COL18A1: variants seen among roughly 807,000 people sequenced by gnomAD.
COL18A1 encodes the protein collagen type XVIII alpha 1 chain, also known as collagen alpha-1(XVIII) chain.
Under a neutral mutation model 168.0 loss-of-function variants are expected in COL18A1, and 133 were observed. The ratio of observed to expected loss-of-function variants is 0.79; its 90% confidence interval spans 0.69 to 0.91. COL18A1 has a LOEUF of 0.91. Ranked by LOEUF, COL18A1 falls within the 40% of genes least tolerant of loss-of-function variation. The pLI is 0.00. For missense variants in COL18A1, 2,126 were observed against 1,925.4 expected (o/e 1.10, Z -1.95); for synonymous variants, 949 against 809.0 (o/e 1.17, Z -2.94).
At chr21:45,413,059 G>A (rs796725795) in intron 2 of COL18A1, among the ~76,000 whole-genome samples, 32 of 152,270 alleles carry the variant, frequency 2.1e-4, no homozygotes, top group Admixed American at 3.9e-4. Flanking sequence ...ATCACACATC[G>A]GCTTCCTGGG....
At position 45,480,826 on chromosome 21, in the gene COL18A1, C is replaced by T. The variant is rs771376510; in HGVS notation, c.1579C>T (p.Arg527Cys). ...CGCCGGCCTTCCTGGTGTGCCTGGG[C>T]GCGAGGGTCCCCCCGGGTTTCCTGG... ...GPAGLPGVPGREGPPGFPGLP... is the reference protein window; with the variant it reads ...GPAGLPGVPGCEGPPGFPGLP... The change falls in exon 13 of 42, where the codon CGC becomes TGC. Residue 527 changes from arginine (R) to cysteine (C), a missense_variant. Arg to Cys is a radical substitution (Grantham distance 180). Coordinates refer to ENST00000651438, the MANE Select transcript of COL18A1 (RefSeq NM_001379500.1). 7 of 1,611,490 alleles carry T rather than the reference C, an allele frequency of 4.3e-6. No homozygotes were observed. The highest frequency in any genetic ancestry group is 2.7e-5 in the African/African-American group (2 of 74,886).
In COL18A1 at chr21:45,480,995, G is replaced by A. The variant is rs537800021; in HGVS notation, c.1611+137G>A. Reference sequence around the variant, plus strand: ...CTCACCTCATCTCCTCTAGGAGCTGGCGGGCAGTTGCTGACTCGGGGCCAC... The same window carrying A: ...CTCACCTCATCTCCTCTAGGAGCTGACGGGCAGTTGCTGACTCGGGGCCAC... On this transcript the variant is annotated intron_variant, in intron 13 of 41. Coordinates refer to ENST00000651438, the MANE Select transcript of COL18A1 (RefSeq NM_001379500.1). 3.1e-5 allele frequency: 41 copies of A among 1,327,136 alleles called. 2 individuals carry two copies. In the South Asian group the frequency reaches 4.4e-4, roughly 14 times the overall value. 82.2% of individuals were successfully genotyped at this position (1,327,136 alleles called of 1,614,324 possible).
intron 9 of COL18A1, among the ~76,000 whole-genome samples, chr21:45,479,616 CAT>C (rs59130519): frequency 0.21 from 31,142 of 151,836 alleles, 3,258 homozygotes; most frequent in Middle Eastern, 0.27. Context: ...CACACACACA[CAT>C]GTATGTAACA....
intron 2 of COL18A1, among the ~76,000 whole-genome samples, chr21:45,406,797 G>T (rs2033125821): frequency 6.6e-6 from 1 of 152,226 alleles, no homozygotes; most frequent in South Asian, 2.1e-4. Context: ...AAAGGTGATG[G>T]TTTTTTTGCC....
intron 2 of COL18A1, among the ~76,000 whole-genome samples, chr21:45,417,619 C>T (rs562816273): frequency 7.1e-6 from 1 of 140,100 alleles, no homozygotes; most frequent in African/African-American, 2.5e-5. Context: ...CCTCCAGCTC[C>T]CTGATGGGCT....
At chr21:45,419,277 G>A (rs1483021505) in intron 2 of COL18A1, among the ~76,000 whole-genome samples, 4 of 151,696 alleles carry the variant, frequency 2.6e-5, no homozygotes, top group African/African-American at 7.3e-5. Flanking sequence ...GTGTAGTGAC[G>A]TGATGCCGGG....
At chr21:45,412,649 C>T (rs1192840443) in intron 2 of COL18A1, among the ~76,000 whole-genome samples, 2 of 152,206 alleles carry the variant, frequency 1.3e-5, no homozygotes, top group East Asian at 3.9e-4. Context: ...GCGGCCCAGG[C>T]ACACAGACAA....
At chr21:45,416,540 C>T (rs756377949) in intron 2 of COL18A1, among the ~76,000 whole-genome samples, 19 of 152,130 alleles carry the variant, frequency 1.2e-4, no homozygotes, top group Non-Finnish European at 2.2e-4. Flanking sequence ...GGCCTCGGTC[C>T]GTCCTCTGTG....
At chr21:45,427,382 C>T (rs909813078) in intron 2 of COL18A1, among the ~76,000 whole-genome samples, 1 of 152,214 alleles carries the variant, frequency 6.6e-6, no homozygotes, top group African/African-American at 2.4e-5. Context: ...TAGTAACTCA[C>T]CAGCAGTCCC....
intron 2 of COL18A1, among the ~76,000 whole-genome samples, chr21:45,417,176 C>G (rs1249820195): frequency 6.6e-6 from 1 of 152,178 alleles, no homozygotes; most frequent in African/African-American, 2.4e-5. Context: ...AGAGCCCGCC[C>G]AGATTCCCCA....
At chr21:45,456,952 G>A (rs374991036) in intron 2 of COL18A1, 6 of 1,227,170 alleles carry the variant, frequency 4.9e-6, no homozygotes, top group South Asian at 1.8e-5. Flanking sequence ...CGGGGCTGAC[G>A]TGAGCCTGGT....
chr21:45,469,656 G>C (rs1022937246), intron 3 of COL18A1, among the ~76,000 whole-genome samples: 5 of 152,214 alleles, frequency 3.3e-5, no homozygotes, highest in African/African-American at 1.2e-4. Context: ...AGCCACGTGG[G>C]TGACCTCAGC....
chr21:45,483,341 G>T (rs1242235861), intron 15 of COL18A1, among the ~76,000 whole-genome samples: 1 of 152,200 alleles, frequency 6.6e-6, no homozygotes, highest in Admixed American at 6.5e-5. Context: ...GGCGGCCCTG[G>T]CCTGGCCCAG....
At chr21:45,453,851 C>T (rs2034713206) in intron 2 of COL18A1, among the ~76,000 whole-genome samples, 1 of 152,142 alleles carries the variant, frequency 6.6e-6, no homozygotes, top group South Asian at 2.1e-4. Flanking sequence ...TGGCTCTGCC[C>T]AGGAGGTGTA....
At chr21:45,494,157 T>A in intron 26 of COL18A1, 1 of 398,626 alleles carries the variant, frequency 2.5e-6, no homozygotes, top group Non-Finnish European at 4.7e-6. Context: ...AGACACAGGA[T>A]CCCCAGGCCC....
At chr21:45,439,890 G>A (rs2034322102) in intron 2 of COL18A1, among the ~76,000 whole-genome samples, 1 of 152,266 alleles carries the variant, frequency 6.6e-6, no homozygotes, top group East Asian at 1.9e-4. Flanking sequence ...GCAAGGAGTG[G>A]GAACTAGGCC....
In COL18A1 at chr21:45,495,362, G is replaced by A. The variant is rs1322668436; in HGVS notation, c.2438G>A (p.Arg813His). ...GEIGFPGRPGRPGMNGLKGEK... is the reference protein window; with the variant it reads ...GEIGFPGRPGHPGMNGLKGEK... ...ACCCCCTGTGCTCCGCCCCAGGGTC[G>A]CCCCGGGATGAACGGATTGAAAGGA... The change falls in exon 29 of 42, where the codon CGC (arginine) becomes CAC (histidine). Residue 813 changes from arginine to histidine, a missense_variant. Transcript: ENST00000651438. The A allele has an allele frequency of 6.8e-6, 11 of 1,608,774 alleles. No homozygotes were observed. Among genetic ancestry groups the A allele is most frequent in the East Asian group, 2.2e-5 (1 of 44,738 alleles).
In COL18A1 at chr21:45,492,510, G is replaced by T; in HGVS notation, c.2158-25G>T. On this transcript the variant is annotated intron_variant, in intron 22 of 41. Transcript: ENST00000651438. Reference sequence around the variant, plus strand: ...ATTTTAAACGCGGCTCTTTGTTTCCGATTTTTCCTTTTGCTCGTGGACAGG... The same window carrying T: ...ATTTTAAACGCGGCTCTTTGTTTCCTATTTTTCCTTTTGCTCGTGGACAGG... 6.2e-7 allele frequency: 1 copy of T among 1,613,448 alleles called. No individual in the cohort carries two copies. Among genetic ancestry groups the T allele is most frequent in the Non-Finnish European group, 8.5e-7 (1 of 1,179,948 alleles).
At chr21:45,459,217 C>T (rs1415732050) in intron 2 of COL18A1, among the ~76,000 whole-genome samples, 7 of 152,324 alleles carry the variant, frequency 4.6e-5, no homozygotes, top group Middle Eastern at 3.4e-3. Context: ...AGCCCAGGCT[C>T]CTCTTGGGTT....
Sources: gnomAD v4.1 joint callset for allele counts (sites outside exome capture counted in the v4.1 genomes callset) on GRCh38, gnomAD v4.1.1 for gene constraint, MANE v1.5 for transcripts, NCBI Gene and HGNC (gene_info 2026-07-23, HGNC 2026-07-21) for gene names.